Variants in FBLN1 observed in about 807,000 individuals in gnomAD.
FBLN1 encodes the protein fibulin 1, also known as fibulin-1.
FBLN1 carries 34 observed loss-of-function variants against 89.7 expected under a neutral mutation model. The ratio of observed to expected loss-of-function variants is 0.38; its 90% CI spans 0.29 to 0.50. FBLN1 has a LOEUF of 0.50. Ranked by LOEUF, FBLN1 falls within the 20% of genes least tolerant of loss-of-function variation. The pLI, the probability that FBLN1 is intolerant of heterozygous loss-of-function variation, is 0.92. For missense variants in FBLN1, 777 were observed against 988.1 expected (o/e 0.79, Z 2.86); for synonymous variants, 393 against 391.3 (o/e 1.00, Z -0.05).
chr22:45,541,017 G>A (rs1412535900), intron 8 of FBLN1, among the ~76,000 whole-genome samples: 2 of 152,266 alleles, frequency 1.3e-5, no homozygotes, highest in African/African-American at 4.8e-5. Context: ...ACAGGAAGAA[G>A]GGCCAGAGAG....
chr22:45,552,097 T>A (rs2146997244), intron 14 of FBLN1, among the ~76,000 whole-genome samples: 1 of 152,352 alleles, frequency 6.6e-6, no homozygotes, highest in South Asian at 2.1e-4. Flanking sequence ...GAAAGTCGTT[T>A]CTTCCTGGAC....
chr22:45,542,811 G>T (rs1489539410), intron 10 of FBLN1, among the ~76,000 whole-genome samples: 1 of 152,220 alleles, frequency 6.6e-6, no homozygotes, highest in Non-Finnish European at 1.5e-5. Flanking sequence ...CCCTCCTTGT[G>T]GGTCCTGGGG....
At chr22:45,599,337 C>T (rs967493241) in intron 16 of FBLN1, among the ~76,000 whole-genome samples, 1 of 152,188 alleles carries the variant, frequency 6.6e-6, no homozygotes, top group Non-Finnish European at 1.5e-5. Context: ...CTCCAGCCAC[C>T]TCTTGCTTCC....
intron 2 of FBLN1, among the ~76,000 whole-genome samples, chr22:45,519,443 A>G (rs980816437): frequency 6.6e-6 from 1 of 151,830 alleles, no homozygotes; most frequent in African/African-American, 2.4e-5. Flanking sequence ...CAACATGGTG[A>G]AACCCCGTCT....
Position 45,502,883 on chromosome 22 carries a change from G to C in FBLN1, c.-103G>C. 1 of 367,074 alleles carries C rather than the reference G, an allele frequency of 2.7e-6. No homozygotes were observed. Among genetic ancestry groups the C allele is most frequent in the Non-Finnish European group, 3.9e-6 (1 of 259,534 alleles). 22.7% of individuals were successfully genotyped at this position (367,074 alleles called of 1,614,324 possible). On this transcript the variant is annotated 5_prime_UTR_variant, in exon 1 of 17. Transcript: ENST00000327858. ...TTGAACGGCGCGGCCCTGGCCCAGC[G>C]TTGGCTGCCGAGGCTCGGCCGGAGC... is the stretch of plus-strand genomic sequence containing the variant.
In FBLN1 at chr22:45,563,204, C is replaced by T. The variant is rs759967423; in HGVS notation, c.1698-11307C>T. ...CCTGACCGTCAAGATGGATCTCTCT[C>T]GCCACGGCACCGTCAGCTCCTTTGT... On this transcript the variant is annotated intron_variant, in intron 14 of 16. Coordinates refer to ENST00000327858, the MANE Select transcript of FBLN1 (RefSeq NM_006486.3). This position sits in a 1 kb window ranked among gnomAD's most constrained non-coding sequence, Gnocchi z 5.7. 8.1e-6 allele frequency: 13 copies of T among 1,613,796 alleles called. No homozygotes were observed. Among genetic ancestry groups the T allele is most frequent in the East Asian group, 4.5e-5 (2 of 44,858 alleles).
rs531089378 is a variant in FBLN1 at position 45,535,194 on chromosome 22, T to C, written c.785-6T>C. 1.2e-4 allele frequency: 195 copies of C among 1,614,190 alleles called. No individual in the cohort carries two copies. The highest frequency in any genetic ancestry group is 1.6e-4 in the Non-Finnish European group (186 of 1,180,004). On this transcript the variant is annotated splice_region_variant and splice_polypyrimidine_tract_variant and intron_variant, in intron 7 of 16. Coordinates refer to ENST00000327858, the MANE Select transcript of FBLN1 (RefSeq NM_006486.3). Reference sequence around the variant, plus strand: ...CTAACAATTTCCTTTTTTTATGATGTACCAGATATTGACGAGTGTGAGAGT... The same window carrying C: ...CTAACAATTTCCTTTTTTTATGATGCACCAGATATTGACGAGTGTGAGAGT...
rs2088640140 is a variant in FBLN1, at chr22:45,547,162, C to T, written c.1399C>T (p.Arg467Ter). 1.2e-6 allele frequency: 2 copies of T among 1,613,924 alleles called. No individual in the cohort carries two copies. Among genetic ancestry groups the T allele is most frequent in the African/African-American group, 1.3e-5 (1 of 74,884 alleles). The change falls in exon 12 of 17, where the codon CGA (arginine) becomes TGA (stop). Residue 467 changes from arginine to a stop codon, truncating the protein, a stop_gained. Transcript: ENST00000327858. LOFTEE classifies it high-confidence loss of function. Reference protein sequence around the residue: ...VYGSYQCYCRRGYQLSDVDGV... With the variant: ...VYGSYQCYCR ...CGGCTCCTACCAGTGTTACTGCCGG[C>T]GAGGCTACCAGCTCAGCGATGTGGA...
At chr22:45,559,635 C>T (rs1254256255) in intron 14 of FBLN1, among the ~76,000 whole-genome samples, 1 of 152,154 alleles carries the variant, frequency 6.6e-6, no homozygotes, top group African/African-American at 2.4e-5. Flanking sequence ...GTAAGTCAGA[C>T]CTGAGCTAAA....
chr22:45,550,734 G>C lies in FBLN1; in HGVS notation c.1697+119G>C, dbSNP rs7287064. ...GGTGTCCTCCCATGAGGGACTCAGG[G>C]CACTCAAAGATCACCTGATCCCTGG... On this transcript the variant is annotated intron_variant, in intron 14 of 16. Coordinates refer to ENST00000327858, the MANE Select transcript of FBLN1 (RefSeq NM_006486.3). This position sits in a 1 kb window ranked among gnomAD's most constrained non-coding sequence, Gnocchi z 8.4. The C allele has an allele frequency of 0.043, 61,040 of 1,433,098 alleles. 1,534 individuals are homozygous for C. Among genetic ancestry groups the C allele is most frequent in the Non-Finnish European group, 0.051 (52,477 of 1,022,566 alleles). 88.8% of individuals were successfully genotyped at this position (1,433,098 alleles called of 1,614,324 possible). A position where few individuals can be genotyped will look rare whatever the true frequency, so the allele number is the denominator to read the frequency against.
intron 16 of FBLN1, among the ~76,000 whole-genome samples, chr22:45,585,407 G>A (rs1327389672): frequency 6.6e-6 from 1 of 152,220 alleles, no homozygotes; most frequent in African/African-American, 2.4e-5. Flanking sequence ...AATGTGCGCC[G>A]CTGACCGCGT....
Position 45,545,116 on chromosome 22 carries a change from T to C in FBLN1, c.1321+1590T>C, listed in dbSNP as rs557605303. Reference sequence around the variant, plus strand: ...TTGGATATGCCACAGTGAGCTGTGGTGTGCATGATTCTCAAATCGGAGGAC... The same window carrying C: ...TTGGATATGCCACAGTGAGCTGTGGCGTGCATGATTCTCAAATCGGAGGAC... On this transcript the variant is annotated intron_variant, in intron 11 of 16. Transcript: ENST00000327858. This position sits in a 1 kb window ranked among gnomAD's most constrained non-coding sequence, Gnocchi z 5.9. 1.1e-4 allele frequency among the ~76,000 whole-genome samples: 16 copies of C among 152,194 alleles called. No individual in the cohort carries two copies. The highest frequency in any genetic ancestry group is 2.9e-5 in the Non-Finnish European group (2 of 68,036).
rs570005270 is a variant in FBLN1, at chr22:45,583,125, A to G, written c.1972+6017A>G. On this transcript the variant is annotated intron_variant, in intron 16 of 16. Transcript: ENST00000327858. The surrounding 1 kb of genome is among the most constrained non-coding windows in gnomAD (Gnocchi z 4.5). ...GGGCTGGTATCACCATTTATGTAAG[A>G]AAAAAAAGGAAGTGCTGGCCCAGGG... Among the ~76,000 whole-genome samples the G allele has an allele frequency of 5.9e-5, 9 of 152,154 alleles. No individual in the cohort carries two copies. The highest frequency in any genetic ancestry group is 2.2e-4 in the African/African-American group (9 of 41,520).
Position 45,550,659 on chromosome 22 carries a change from C to T in FBLN1, c.1697+44C>T. 3.1e-6 allele frequency: 5 copies of T among 1,613,792 alleles called. No homozygotes were observed. The highest frequency in any genetic ancestry group is 1.3e-5 in the African/African-American group (1 of 75,056). On this transcript the variant is annotated intron_variant, in intron 14 of 16. Transcript: ENST00000327858. This position sits in a 1 kb window ranked among gnomAD's most constrained non-coding sequence, Gnocchi z 8.4. ...GCCATCGTCGTCTGTCTGTGTTGGC[C>T]TTCCTGGTGACCCAGTTCCCGGGTG... is the stretch of plus-strand genomic sequence containing the variant.
At chr22:45,586,350 G>A (rs2089085726) in intron 16 of FBLN1, among the ~76,000 whole-genome samples, 2 of 152,200 alleles carry the variant, frequency 1.3e-5, no homozygotes, top group Admixed American at 6.5e-5. Context: ...GGTGGGGAGA[G>A]GGGACTGTCT....
intron 2 of FBLN1, among the ~76,000 whole-genome samples, chr22:45,524,687 C>T (rs927334027): frequency 2.0e-5 from 3 of 152,102 alleles, no homozygotes; most frequent in Admixed American, 6.6e-5. Flanking sequence ...GAACATTGTG[C>T]GGGTGAAGCC....
chr22:45,576,182 A>G lies in FBLN1; in HGVS notation c.1841-795A>G, dbSNP rs891977661. Reference sequence around the variant, plus strand: ...GGCACAGACTTGGGTCAGAGAAAATAACTAACTGGTATTTGCCTTTTGCAA... The same window carrying G: ...GGCACAGACTTGGGTCAGAGAAAATGACTAACTGGTATTTGCCTTTTGCAA... On this transcript the variant is annotated intron_variant, in intron 15 of 16. Coordinates refer to ENST00000327858, the MANE Select transcript of FBLN1 (RefSeq NM_006486.3). The surrounding 1 kb of genome is among the most constrained non-coding windows in gnomAD (Gnocchi z 5.2). 6.6e-6 allele frequency among the ~76,000 whole-genome samples: 1 copy of G among 152,280 alleles called. No individual in the cohort carries two copies. The highest frequency in any genetic ancestry group is 3.4e-3 in the Middle Eastern group (1 of 294).
intron 6 of FBLN1, 109 bp downstream of exon 6, chr22:45,533,273 G>T: frequency 9.7e-7 from 1 of 1,030,100 alleles, no homozygotes; most frequent in Non-Finnish European, 1.5e-6. Context: ...ACCCCATTCA[G>T]GGGTGGAGAG....
Position 45,574,705 on chromosome 22 carries a change from T to C in FBLN1, c.1840+52T>C. The stretch of plus-strand genomic sequence containing the variant: ...AGGGCCCCCTAGGGCCTCCCTCGGC[T>C]TCAGCTGAGGGCTTGGCCTACAGGA... On this transcript the variant is annotated intron_variant, in intron 15 of 16. Coordinates refer to ENST00000327858, the MANE Select transcript of FBLN1 (RefSeq NM_006486.3). This position sits in a 1 kb window ranked among gnomAD's most constrained non-coding sequence, Gnocchi z 4.1. 6.4e-7 allele frequency: 1 copy of C among 1,558,654 alleles called. No homozygotes were observed. The highest frequency in any genetic ancestry group is 8.8e-7 in the Non-Finnish European group (1 of 1,139,306).
Sources: allele counts gnomAD v4.1 joint callset (sites outside exome capture counted in the v4.1 genomes callset), GRCh38; gene constraint gnomAD v4.1.1; non-coding constraint Gnocchi (gnomAD v3.1); transcripts MANE v1.5; gene names NCBI Gene and HGNC (gene_info 2026-07-23, HGNC 2026-07-21).